The following FRK variants were observed in gnomAD, a reference collection of about 807,000 sequenced individuals.
FRK encodes fyn related Src family tyrosine kinase.
Under a neutral mutation model 56.4 loss-of-function variants are expected in FRK, and 51 were observed. That is an observed-to-expected ratio of 0.90 (90% CI 0.72 to 1.14). The LOEUF is 1.14. Among genes scored for constraint, FRK ranks in the 50% most tolerant of loss-of-function variants. The pLI, the probability that FRK is intolerant of heterozygous loss-of-function variation, is 0.00. For synonymous variants in FRK, 245 were observed against 217.9 expected (o/e 1.12, Z -1.10); for missense variants, 570 against 601.4 (o/e 0.95, Z 0.55).
In FRK at chr6:115,950,961, T is replaced by C. The variant is rs534970810; in HGVS notation, c.958+5491A>G. On this transcript the variant is annotated intron_variant, in intron 5 of 7. Transcript: ENST00000606080. ...GCATGTTCTCACTCATAAGTGAGAG[T>C]TGAACAGTAAGAACACATGGGCACA... is the stretch of plus-strand genomic sequence containing the variant. Among the ~76,000 whole-genome samples, 49 of 151,552 alleles carry C rather than the reference T, an allele frequency of 3.2e-4. 1 individual carries two copies. The highest frequency in any genetic ancestry group is 1.1e-3 in the African/African-American group (45 of 41,310).
the FRK span, among the ~76,000 whole-genome samples, chr6:116,067,649 C>A: frequency 6.6e-6 from 1 of 152,172 alleles, no homozygotes; most frequent in Admixed American, 6.5e-5. Context: ...TACAAAGACA[C>A]TGCTATTTCA....
upstream of FRK, among the ~76,000 whole-genome samples, chr6:116,063,250 T>C (rs1045495978): frequency 3.3e-5 from 5 of 152,316 alleles, no homozygotes; most frequent in Admixed American, 2.6e-4. Flanking sequence ...CTGAGAGATA[T>C]TGAACTCCTA....
chr6:116,008,697 C>G (rs1394709611), intron 1 of FRK, among the ~76,000 whole-genome samples: 4 of 152,186 alleles, frequency 2.6e-5, no homozygotes, highest in Non-Finnish European at 4.4e-5. Context: ...CTGCTGGCCC[C>G]ATTCTGGAAG....
At chr6:115,955,865 C>T (rs938346924) in intron 5 of FRK, among the ~76,000 whole-genome samples, 24 of 152,138 alleles carry the variant, frequency 1.6e-4, no homozygotes, top group African/African-American at 5.8e-4. Flanking sequence ...TTGTAATAAA[C>T]ATCAAAATTT....
At chr6:116,084,460 CAT>C in the FRK span, among the ~76,000 whole-genome samples, 1 of 152,290 alleles carries the variant, frequency 6.6e-6, no homozygotes, top group South Asian at 2.1e-4. Flanking sequence ...GCTTTGCTCA[CAT>C]GTCTGGCAGA....
chr6:116,071,721 T>C, the FRK span, among the ~76,000 whole-genome samples: 1 of 152,204 alleles, frequency 6.6e-6, no homozygotes, highest in Non-Finnish European at 1.5e-5. Flanking sequence ...GCTTCACTGA[T>C]TCAACAAATA....
chr6:116,092,045 C>A, the FRK span, among the ~76,000 whole-genome samples: 2 of 152,160 alleles, frequency 1.3e-5, no homozygotes, highest in Non-Finnish European at 2.9e-5. Context: ...GCTAGTCCCA[C>A]TTCTAAAAAC....
chr6:116,063,522 G>T (rs1324665411), upstream of FRK, among the ~76,000 whole-genome samples: 1 of 151,840 alleles, frequency 6.6e-6, no homozygotes, highest in Non-Finnish European at 1.5e-5. Flanking sequence ...CCAACACATA[G>T]AAGCAGAGAG....
the FRK span, among the ~76,000 whole-genome samples, chr6:116,068,098 A>G: frequency 3.3e-5 from 5 of 152,186 alleles, no homozygotes; most frequent in African/African-American, 1.2e-4. Flanking sequence ...AGGACCAAAC[A>G]CTAGCCTGAC....
chr6:116,049,733 T>C (rs1423471247), intron 1 of FRK, among the ~76,000 whole-genome samples: 10 of 152,268 alleles, frequency 6.6e-5, no homozygotes, highest in Non-Finnish European at 1.3e-4. Flanking sequence ...TATAAGACAA[T>C]GCAAGTTAAG....
chr6:116,082,726 T>G, the FRK span, among the ~76,000 whole-genome samples: 1 of 152,290 alleles, frequency 6.6e-6, no homozygotes, highest in East Asian at 1.9e-4. Context: ...AGGTCACTTT[T>G]AGACAGTAGA....
At chr6:115,960,573 G>C (rs1429377212) in intron 4 of FRK, among the ~76,000 whole-genome samples, 3,302 of 136,946 alleles carry the variant, frequency 0.024, 136 homozygotes, top group African/African-American at 0.081. Context: ...TGCCTCTGTA[G>C]GCTCCACCTC....
chr6:116,074,383 G>T, the FRK span, among the ~76,000 whole-genome samples: 1 of 152,134 alleles, frequency 6.6e-6, no homozygotes, highest in African/African-American at 2.4e-5. Context: ...AACCCAAATG[G>T]TTGGTCACCC....
At chr6:115,970,038 G>A (rs905463516) in intron 2 of FRK, among the ~76,000 whole-genome samples, 2 of 152,038 alleles carry the variant, frequency 1.3e-5, no homozygotes, top group African/African-American at 4.8e-5. Flanking sequence ...ATGCTTCAAT[G>A]ATTAGTCAGG....
At position 116,028,810 on chromosome 6, in the gene FRK, G is replaced by A. The variant is rs1434732246; in HGVS notation, c.345-24812C>T. On this transcript the variant is annotated intron_variant, in intron 1 of 7. Transcript: ENST00000606080. ...CATTCTGAGGGTAAAGGCGGTTGGG[G>A]ACTTCCACATAAAGACTTTGGGGGG... Among the ~76,000 whole-genome samples the A allele has an allele frequency of 2.0e-5, 3 of 152,062 alleles. No homozygotes were observed. The South Asian group carries it at 6.2e-4, about 32-fold the overall frequency.
chr6:116,002,672 A>G, intron 2 of FRK: 1 of 455,346 alleles, frequency 2.2e-6, no homozygotes, highest in East Asian at 7.0e-5. Flanking sequence ...TGTCAGAACT[A>G]GCATACTCTA....
chr6:116,066,367 C>T, the FRK span, among the ~76,000 whole-genome samples: 1 of 152,022 alleles, frequency 6.6e-6, no homozygotes, highest in Non-Finnish European at 1.5e-5. Flanking sequence ...AGCTTGCAGG[C>T]AGCCTATTGT....
intron 1 of FRK, among the ~76,000 whole-genome samples, chr6:116,047,038 T>C (rs1582754810): frequency 2.0e-5 from 3 of 150,742 alleles, no homozygotes; most frequent in Admixed American, 2.0e-4. Context: ...TATATATGTA[T>C]GTATATATAT....
chr6:115,957,657 G>C (rs748201766), intron 4 of FRK, among the ~76,000 whole-genome samples: 2 of 152,198 alleles, frequency 1.3e-5, no homozygotes, highest in African/African-American at 2.4e-5. Flanking sequence ...ATGTGAAGTT[G>C]AGTTAGTTAC....
Sources: allele counts gnomAD v4.1 joint callset (sites outside exome capture counted in the v4.1 genomes callset), GRCh38; gene constraint gnomAD v4.1.1; transcripts MANE v1.5; gene names NCBI Gene and HGNC (gene_info 2026-07-23, HGNC 2026-07-21).